FSHR: variants seen among roughly 807,000 people sequenced by gnomAD.
FSHR encodes follicle stimulating hormone receptor.
FSHR carries 46 observed loss-of-function variants against 52.1 expected under a neutral mutation model. That is an observed-to-expected ratio of 0.88 (90% CI 0.70 to 1.13). The LOEUF (loss-of-function observed/expected upper bound fraction) is 1.13, where lower values mean the gene tolerates loss of function less well. Ranked by LOEUF, FSHR falls within the 50% of genes most tolerant of loss-of-function variation. The probability of loss-of-function intolerance (pLI) is 0.00; values close to 1 mark genes in which losing one functional copy is unlikely to be tolerated. For missense variants in FSHR, 964 were observed against 834.6 expected (o/e 1.16, Z -1.91); for synonymous variants, 399 against 309.6 (o/e 1.29, Z -3.03).
chr2:49,117,515 G>A (rs1671647301), intron 1 of FSHR, among the ~76,000 whole-genome samples: 1 of 152,166 alleles, frequency 6.6e-6, no homozygotes, highest in African/African-American at 2.4e-5. Flanking sequence ...ATTAGCAGCT[G>A]CTCCTGTTTA....
At chr2:48,989,198 C>G in intron 5 of FSHR, 144 bp from the exon 6 acceptor site, 1 of 622,686 alleles carries the variant, frequency 1.6e-6, no homozygotes, top group Non-Finnish European at 2.9e-6. Context: ...ATGATCAGCT[C>G]AAAGTTTGGA....
chr2:49,078,835 A>G (rs980757825), intron 1 of FSHR, among the ~76,000 whole-genome samples: 5 of 152,144 alleles, frequency 3.3e-5, no homozygotes, highest in African/African-American at 4.8e-5. Context: ...TACCTCCTCT[A>G]TTTGATATTG....
At chr2:49,043,693 T>A (rs994212406) in intron 2 of FSHR, among the ~76,000 whole-genome samples, 1 of 152,206 alleles carries the variant, frequency 6.6e-6, no homozygotes, top group African/African-American at 2.4e-5. Flanking sequence ...CAGATACAGT[T>A]ATCTCAGTGC....
chr2:49,055,085 T>C (rs2104310738), intron 2 of FSHR, among the ~76,000 whole-genome samples: 1 of 151,786 alleles, frequency 6.6e-6, no homozygotes, highest in Non-Finnish European at 1.5e-5. Context: ...AAATAATAAT[T>C]AAGGAAACTC....
intron 4 of FSHR, among the ~76,000 whole-genome samples, chr2:49,005,298 C>A (rs1405913423): frequency 2.6e-5 from 4 of 152,104 alleles, no homozygotes; most frequent in Non-Finnish European, 4.4e-5. Flanking sequence ...ATCTCACCTT[C>A]AACATCAGTG....
At chr2:49,086,182 A>G (rs1284888606) in intron 1 of FSHR, among the ~76,000 whole-genome samples, 1 of 152,172 alleles carries the variant, frequency 6.6e-6, no homozygotes, top group Admixed American at 6.5e-5. Flanking sequence ...ACTACAAATG[A>G]TTGGCCCATG....
rs866110798 is a variant in FSHR, at chr2:49,013,477, T to A, written c.374+4012A>T. On this transcript the variant is annotated intron_variant, in intron 4 of 9. Coordinates refer to ENST00000406846, the MANE Select transcript of FSHR (RefSeq NM_000145.4). Reference sequence around the variant, plus strand: ...ATATATATATAAATATATATATATATATAAATAAATATATATATATATAAA... The same window carrying A: ...ATATATATATAAATATATATATATAAATAAATAAATATATATATATATAAA... Among the ~76,000 whole-genome samples, 229 of 120,438 alleles carry A rather than the reference T, an allele frequency of 1.9e-3. 1 individual carries two copies. Among genetic ancestry groups the A allele is most frequent in the African/African-American group, 6.4e-3 (214 of 33,518 alleles). The allele number at this position is 120,438 out of a possible 152,430, so 79.0% of individuals were successfully genotyped here.
At chr2:49,039,157 T>C (rs1191975041) in intron 2 of FSHR, among the ~76,000 whole-genome samples, 1 of 152,212 alleles carries the variant, frequency 6.6e-6, no homozygotes, top group Non-Finnish European at 1.5e-5. Flanking sequence ...AGTACAATTA[T>C]ATATGTTGCT....
At chr2:49,135,568 A>G (rs1433944165) in intron 1 of FSHR, among the ~76,000 whole-genome samples, 1 of 152,148 alleles carries the variant, frequency 6.6e-6, no homozygotes. Context: ...AGAAGAGCAA[A>G]TTAAATCTAA....
At chr2:48,981,527 G>T (rs568924024) in intron 8 of FSHR, among the ~76,000 whole-genome samples, 1 of 152,098 alleles carries the variant, frequency 6.6e-6, no homozygotes, top group East Asian at 1.9e-4. Flanking sequence ...CTGTATCTCC[G>T]CTTTAATCAC....
At chr2:49,013,077 C>T (rs1667332338) in intron 4 of FSHR, among the ~76,000 whole-genome samples, 2 of 151,790 alleles carry the variant, frequency 1.3e-5, no homozygotes, top group African/African-American at 4.8e-5. Flanking sequence ...TCTCTTTCTC[C>T]TTTCTCTCCA....
chr2:49,035,097 C>A (rs1212618147), intron 2 of FSHR, among the ~76,000 whole-genome samples: 1 of 152,198 alleles, frequency 6.6e-6, no homozygotes, highest in Admixed American at 6.5e-5. Flanking sequence ...AAGCATCAAG[C>A]CTGGTCTTTA....
chr2:49,004,081 C>T (rs993056535), intron 4 of FSHR, among the ~76,000 whole-genome samples: 33 of 152,158 alleles, frequency 2.2e-4, no homozygotes, highest in African/African-American at 7.2e-4. Flanking sequence ...TTCCACTGTC[C>T]ACACTGTCAT....
chr2:49,133,437 G>A (rs1231112053), intron 1 of FSHR, among the ~76,000 whole-genome samples: 1 of 152,068 alleles, frequency 6.6e-6, no homozygotes, highest in African/African-American at 2.4e-5. Flanking sequence ...ACAAATGGAA[G>A]AACATTCCAT....
chr2:49,147,799 G>A (rs1220380788), intron 1 of FSHR, among the ~76,000 whole-genome samples: 2 of 151,546 alleles, frequency 1.3e-5, no homozygotes, highest in Non-Finnish European at 2.9e-5. Context: ...CCAAATGTTG[G>A]ACATAGACAT....
At chr2:49,049,377 C>A (rs1346127661) in intron 2 of FSHR, among the ~76,000 whole-genome samples, 1 of 152,018 alleles carries the variant, frequency 6.6e-6, no homozygotes, top group Non-Finnish European at 1.5e-5. Context: ...AAGAAGATTG[C>A]GTTTGATAGC....
rs562318067 is a variant in FSHR at position 49,084,498 on chromosome 2, A to G, written c.153-16208T>C. On this transcript the variant is annotated intron_variant, in intron 1 of 9. Coordinates refer to ENST00000406846, the MANE Select transcript of FSHR (RefSeq NM_000145.4). ...GAAGGCAAGAAATAACTAAAATCAG[A>G]GCAGAACTGAAGGAAATAGAGACAA... Among the ~76,000 whole-genome samples the G allele has an allele frequency of 3.7e-3, 567 of 152,328 alleles. 6 individuals carry two copies. The highest frequency in any genetic ancestry group is 0.013 in the African/African-American group (523 of 41,576).
chr2:49,010,967 T>G (rs993910757), intron 4 of FSHR, among the ~76,000 whole-genome samples: 1 of 151,754 alleles, frequency 6.6e-6, no homozygotes, highest in African/African-American at 2.4e-5. Context: ...TGTTGATCCT[T>G]TCAAAAAACC....
chr2:49,093,098 T>A (rs1670674710), intron 1 of FSHR, among the ~76,000 whole-genome samples: 1 of 152,264 alleles, frequency 6.6e-6, no homozygotes, highest in Non-Finnish European at 1.5e-5. Flanking sequence ...TTCATCCATA[T>A]TCATGAAGGA....
Sources: gnomAD v4.1 joint callset for allele counts (sites outside exome capture counted in the v4.1 genomes callset) on GRCh38, gnomAD v4.1.1 for gene constraint, MANE v1.5 for transcripts, NCBI Gene and HGNC (gene_info 2026-07-23, HGNC 2026-07-21) for gene names.